Variants in NRXN3 observed in about 807,000 individuals in gnomAD.
NRXN3 encodes the protein neurexin III.
NRXN3 carries 32 observed loss-of-function variants against 137.6 expected under a neutral mutation model. The ratio of observed to expected loss-of-function variants is 0.23; its 90% CI spans 0.18 to 0.31. NRXN3 has a LOEUF of 0.31. Among genes scored for constraint, NRXN3 ranks in the 10% least tolerant of loss-of-function variants. The probability of loss-of-function intolerance (pLI) is 1.00; values close to 1 mark genes in which losing one functional copy is unlikely to be tolerated. For synonymous variants in NRXN3, 798 were observed against 784.5 expected, an observed-to-expected ratio of 1.02 and a Z score of -0.29; for missense variants, 1,574 against 2,062.5, an observed-to-expected ratio of 0.76 and a Z score of 4.59.
At chr14:78,926,820 T>TTA (rs1461546379) in intron 10 of NRXN3, among the ~76,000 whole-genome samples, 2 of 49,530 alleles carry the variant, frequency 4.0e-5, no homozygotes, top group East Asian at 1.2e-3. Context: ...ATATTATATA[T>TTA]TATATATAAT....
intron 4 of NRXN3, among the ~76,000 whole-genome samples, chr14:78,412,043 A>G (rs2092862478): frequency 6.6e-6 from 1 of 152,222 alleles, no homozygotes; most frequent in African/African-American, 2.4e-5. Flanking sequence ...TATTCCCTAC[A>G]TCCTAGGATG....
At chr14:79,707,518 TG>T (rs2098785536) in intron 19 of NRXN3, among the ~76,000 whole-genome samples, 1 of 152,036 alleles carries the variant, frequency 6.6e-6, no homozygotes, top group African/African-American at 2.4e-5. Context: ...ATCTGAAATA[TG>T]GGGATGATTT....
intron 16 of NRXN3, among the ~76,000 whole-genome samples, chr14:79,654,164 A>G (rs1322649406): frequency 6.6e-6 from 1 of 152,150 alleles, no homozygotes; most frequent in Non-Finnish European, 1.5e-5. Context: ...GTCCGAGGCT[A>G]CCTAGAGAAC....
chr14:79,123,567 T>C (rs1221303437), intron 15 of NRXN3, among the ~76,000 whole-genome samples: 1 of 152,174 alleles, frequency 6.6e-6, no homozygotes, highest in South Asian at 2.1e-4. Flanking sequence ...ACTGAGAGTA[T>C]TGAGATGGAT....
At chr14:78,932,651 G>T (rs2099325550) in intron 10 of NRXN3, among the ~76,000 whole-genome samples, 1 of 152,208 alleles carries the variant, frequency 6.6e-6, no homozygotes, top group South Asian at 2.1e-4. Flanking sequence ...AAATGTAGCA[G>T]AGCTATGGGA....
At chr14:78,970,201 C>G (rs1045019610) in intron 14 of NRXN3, among the ~76,000 whole-genome samples, 1 of 152,126 alleles carries the variant, frequency 6.6e-6, no homozygotes, top group African/African-American at 2.4e-5. Context: ...TAACAGGAAT[C>G]ATCCATTAAC....
At chr14:78,649,092 T>TGTGTC (rs2152611828) in intron 5 of NRXN3, among the ~76,000 whole-genome samples, 2 of 152,322 alleles carry the variant, frequency 1.3e-5, no homozygotes, top group South Asian at 4.1e-4. Context: ...TCTCTTTTTC[T>TGTGTC]GTGTCGGGTG....
intron 4 of NRXN3, among the ~76,000 whole-genome samples, chr14:78,447,300 T>C (rs963411045): frequency 1.3e-5 from 2 of 152,266 alleles, no homozygotes; most frequent in African/African-American, 4.8e-5. Flanking sequence ...ATGCATAGTA[T>C]GATTATGCTG....
chr14:78,955,031 T>A (rs2099394312), intron 10 of NRXN3, among the ~76,000 whole-genome samples: 1 of 152,192 alleles, frequency 6.6e-6, no homozygotes, highest in Non-Finnish European at 1.5e-5. Context: ...CCGCTTATCT[T>A]GTCCCCAATC....
intron 15 of NRXN3, among the ~76,000 whole-genome samples, chr14:79,027,615 G>A (rs2099600743): frequency 6.6e-6 from 1 of 152,102 alleles, no homozygotes; most frequent in Non-Finnish European, 1.5e-5. Context: ...CTGGATTGAG[G>A]TCTCTAGAAT....
intron 15 of NRXN3, among the ~76,000 whole-genome samples, chr14:79,244,476 A>G (rs1476202986): frequency 1.3e-5 from 2 of 152,164 alleles, no homozygotes; most frequent in Non-Finnish European, 2.9e-5. Context: ...TTTATCTTGA[A>G]TGCTGCAAAT....
intron 3 of NRXN3, among the ~76,000 whole-genome samples, chr14:78,295,379 A>T (rs1294836696): frequency 6.6e-6 from 1 of 152,168 alleles, no homozygotes; most frequent in African/African-American, 2.4e-5. Flanking sequence ...ATTTTATTTG[A>T]GTGGCAATAC....
At chr14:78,681,778 A>T (rs1376897783) in intron 6 of NRXN3, among the ~76,000 whole-genome samples, 2 of 152,134 alleles carry the variant, frequency 1.3e-5, no homozygotes, top group Non-Finnish European at 2.9e-5. Context: ...TCAGTGAAGG[A>T]GATGAGAAGC....
chr14:78,405,754 C>A (rs1219416923), intron 4 of NRXN3, among the ~76,000 whole-genome samples: 1 of 152,108 alleles, frequency 6.6e-6, no homozygotes, highest in Non-Finnish European at 1.5e-5. Flanking sequence ...AGCTGGGGGA[C>A]ACATTCATTT....
intron 15 of NRXN3, among the ~76,000 whole-genome samples, chr14:79,204,662 G>A (rs1288800630): frequency 6.6e-6 from 1 of 152,042 alleles, no homozygotes; most frequent in African/African-American, 2.4e-5. Context: ...TTTCTTGTGG[G>A]CTGACTCCAG....
chr14:79,404,087 A>G (rs1192235630), intron 15 of NRXN3, among the ~76,000 whole-genome samples: 5 of 152,180 alleles, frequency 3.3e-5, no homozygotes, highest in African/African-American at 1.2e-4. Context: ...TTACAACAGC[A>G]GCAAACACTG....
chr14:79,452,097 T>C (rs147757100), intron 15 of NRXN3, among the ~76,000 whole-genome samples: 45 of 152,078 alleles, frequency 3.0e-4, no homozygotes, highest in African/African-American at 1.1e-3. Flanking sequence ...CTTTTCTTAG[T>C]AGACGGACAA....
At chr14:79,643,166 C>T (rs1263227419) in intron 16 of NRXN3, among the ~76,000 whole-genome samples, 2 of 136,186 alleles carry the variant, frequency 1.5e-5, no homozygotes, top group Non-Finnish European at 3.4e-5. Flanking sequence ...AAAGATGCCA[C>T]TTTAGTCCCA....
chr14:78,223,707 T>C (rs887031412), intron 1 of NRXN3, among the ~76,000 whole-genome samples: 1 of 152,000 alleles, frequency 6.6e-6, no homozygotes, highest in South Asian at 2.1e-4. Context: ...CCCTGAGGGA[T>C]AGGGGGACAA....
Sources: gnomAD v4.1 joint callset for allele counts (sites outside exome capture counted in the v4.1 genomes callset) on GRCh38, gnomAD v4.1.1 for gene constraint, MANE v1.5 for transcripts, NCBI Gene and HGNC (gene_info 2026-07-23, HGNC 2026-07-21) for gene names.